The following PCDHA12 variants were observed in gnomAD, a reference collection of about 807,000 sequenced individuals.
PCDHA12 encodes protocadherin alpha-12.
A neutral mutation model predicts 60.0 loss-of-function variants in PCDHA12; 44 were observed. The observed-to-expected ratio is 0.73, with a 90% CI of 0.58 to 0.94. The LOEUF (loss-of-function observed/expected upper bound fraction) is 0.94, where lower values mean the gene tolerates loss of function less well. Among genes scored for constraint, PCDHA12 ranks in the 40% least tolerant of loss-of-function variants. The pLI, the probability that PCDHA12 is intolerant of heterozygous loss-of-function variation, is 0.00. For synonymous variants in PCDHA12, 569 were observed against 553.0 expected, an observed-to-expected ratio of 1.03 and a Z score of -0.40; for missense variants, 1,276 against 1,239.7, an observed-to-expected ratio of 1.03 and a Z score of -0.44.
At chr5:140,926,575 C>T in intron 1 of PCDHA12, 1 of 273,448 alleles carries the variant, frequency 3.7e-6, no homozygotes, top group Non-Finnish European at 6.8e-6. Flanking sequence ...CTGGAGACAG[C>T]ACCTCTCGCG....
intron 3 of PCDHA12, among the ~76,000 whole-genome samples, chr5:141,002,843 A>G (rs2098098678): frequency 6.6e-6 from 1 of 152,224 alleles, no homozygotes; most frequent in African/African-American, 2.4e-5. Context: ...AGGACTATGC[A>G]CTAGTGAGAG....
intron 1 of PCDHA12, among the ~76,000 whole-genome samples, chr5:140,887,146 G>A (rs1160453059): frequency 9.9e-5 from 15 of 151,600 alleles, no homozygotes; most frequent in Non-Finnish European, 2.1e-4. Context: ...GCCCAGGCTG[G>A]AGTACAGTGG....
At position 140,955,726 on chromosome 5, in the gene PCDHA12, C is replaced by A. The variant is rs934215613; in HGVS notation, c.2368-23223C>A. Among the ~76,000 whole-genome samples the A allele has an allele frequency of 8.5e-5, 13 of 152,264 alleles. No individual in the cohort carries two copies. In the South Asian group the frequency reaches 2.5e-3, roughly 29 times the overall value. Reference sequence around the variant, plus strand: ...AAGTTTAATAGGAATACCATTGAATCTATAAATTACTTTGAGCATTATTGC... The same window carrying A: ...AAGTTTAATAGGAATACCATTGAATATATAAATTACTTTGAGCATTATTGC... On this transcript the variant is annotated intron_variant, in intron 1 of 3. Coordinates refer to ENST00000398631, the MANE Select transcript of PCDHA12 (RefSeq NM_018903.4).
chr5:141,010,006 T>C lies in PCDHA12; in HGVS notation c.*69T>C. The stretch of plus-strand genomic sequence containing the variant: ...ATGGCAAATCTCTCCCATGTAGCAA[T>C]TCCCTGCTCCTTTTTCCTATCTACA... On this transcript the variant is annotated 3_prime_UTR_variant, in exon 4 of 4. Transcript: ENST00000398631. 1 of 1,572,424 alleles carries C rather than the reference T, an allele frequency of 6.4e-7. No individual in the cohort carries two copies. Among genetic ancestry groups the C allele is most frequent in the Non-Finnish European group, 8.6e-7 (1 of 1,163,442 alleles).
intron 1 of PCDHA12, among the ~76,000 whole-genome samples, chr5:140,963,199 A>G (rs955651383): frequency 6.6e-6 from 1 of 152,092 alleles, no homozygotes; most frequent in Non-Finnish European, 1.5e-5. Flanking sequence ...TGAAAATGAA[A>G]AAAAAAACCT....
chr5:140,998,629 A>G (rs989469969), intron 3 of PCDHA12, among the ~76,000 whole-genome samples: 3 of 152,064 alleles, frequency 2.0e-5, no homozygotes, highest in African/African-American at 7.2e-5. Context: ...CAATGGCACA[A>G]TCTCAGCTCA....
chr5:140,905,540 C>T (rs1294771375), intron 1 of PCDHA12, among the ~76,000 whole-genome samples: 5 of 151,890 alleles, frequency 3.3e-5, no homozygotes, highest in African/African-American at 9.7e-5. Flanking sequence ...TCCATATGAA[C>T]TTTAGGATTG....
At chr5:140,966,974 C>T (rs782333304) in intron 1 of PCDHA12, 4 of 1,602,874 alleles carry the variant, frequency 2.5e-6, no homozygotes, top group Non-Finnish European at 3.4e-6. Flanking sequence ...GCTTGAGCTG[C>T]GGCGCTTGGG....
Position 141,002,911 on chromosome 5 carries a change from G to C in PCDHA12, c.2516-6716G>C, listed in dbSNP as rs565172510. Among the ~76,000 whole-genome samples the C allele has an allele frequency of 3.3e-5, 5 of 152,330 alleles. No homozygotes were observed. The South Asian group carries it at 1.0e-3, about 32-fold the overall frequency. On this transcript the variant is annotated intron_variant, in intron 3 of 3. Transcript: ENST00000398631. ...ACAAAGCAAGATGAAGAGAAGATCA[G>C]AAAAGTGAACACCCTCCAACACCCT...
chr5:140,968,089 C>T lies in PCDHA12; in HGVS notation c.2368-10860C>T, dbSNP rs546330069. ...CTGTCTACAACATCACGGTGACAGC[C>T]ACAGATGGGGGAATACCGCAGCTCA... On this transcript the variant is annotated intron_variant, in intron 1 of 3. Transcript: ENST00000398631. 120 of 1,614,126 alleles carry T rather than the reference C, an allele frequency of 7.4e-5. 1 individual carries two copies. The South Asian group carries it at 1.2e-3, about 16-fold the overall frequency.
At chr5:140,950,082 A>G (rs2094448240) in intron 1 of PCDHA12, among the ~76,000 whole-genome samples, 1 of 151,916 alleles carries the variant, frequency 6.6e-6, no homozygotes, top group South Asian at 2.1e-4. Flanking sequence ...TGCTTATGCT[A>G]TAGTTTTCAT....
At chr5:140,928,699 G>A in intron 1 of PCDHA12, 3 of 1,614,170 alleles carry the variant, frequency 1.9e-6, no homozygotes, top group Non-Finnish European at 2.5e-6. Flanking sequence ...CATCTCCCGG[G>A]CGTCTGACTC....
chr5:140,918,748 C>T (rs1303112000), intron 1 of PCDHA12, among the ~76,000 whole-genome samples: 1 of 152,110 alleles, frequency 6.6e-6, no homozygotes, highest in Non-Finnish European at 1.5e-5. Flanking sequence ...ATAAAAGAGG[C>T]CCAGAGAGGT....
chr5:141,009,992 C>G lies in PCDHA12; in HGVS notation c.*55C>G. 1 of 1,578,492 alleles carries G rather than the reference C, an allele frequency of 6.3e-7. No homozygotes were observed. On this transcript the variant is annotated 3_prime_UTR_variant, in exon 4 of 4. Transcript: ENST00000398631. ...CAGTTTTTGTAATAATGGCAAATCT[C>G]TCCCATGTAGCAATTCCCTGCTCCT...
At chr5:140,922,289 G>C (rs1554200767) in intron 1 of PCDHA12, among the ~76,000 whole-genome samples, 1 of 152,222 alleles carries the variant, frequency 6.6e-6, no homozygotes, top group Non-Finnish European at 1.5e-5. Flanking sequence ...ATATGAAAAT[G>C]CTAGGAGAGG....
chr5:140,875,497 C>T lies in PCDHA12; in HGVS notation c.25C>T (p.Pro9Ser). Reference sequence around the variant, plus strand: ...AATGGTGATTATCGGACCAAGAGGCCCGGGATCCCAGCGTCTGCTGCTCTC... The same window carrying T: ...AATGGTGATTATCGGACCAAGAGGCTCGGGATCCCAGCGTCTGCTGCTCTC... MVIIGPRG[P>S]GSQRLLLSLL... is the part of the protein sequence containing the mutation. The change falls in exon 1 of 4, where the codon CCG becomes TCG. Residue 9 changes from proline to serine, a missense_variant. Coordinates refer to ENST00000398631, the MANE Select transcript of PCDHA12 (RefSeq NM_018903.4). 1 of 1,613,256 alleles carries T rather than the reference C, an allele frequency of 6.2e-7. No individual in the cohort carries two copies. Among genetic ancestry groups the T allele is most frequent in the Non-Finnish European group, 8.5e-7 (1 of 1,179,446 alleles).
chr5:140,906,804 C>T (rs1254520665), intron 1 of PCDHA12, among the ~76,000 whole-genome samples: 3 of 152,224 alleles, frequency 2.0e-5, no homozygotes, highest in Non-Finnish European at 4.4e-5. Context: ...CATACTCTTC[C>T]TTACCTCCAC....
intron 1 of PCDHA12, among the ~76,000 whole-genome samples, chr5:140,954,107 C>G (rs1375819333): frequency 2.0e-5 from 3 of 152,182 alleles, no homozygotes; most frequent in Admixed American, 1.3e-4. Flanking sequence ...CTGCAAAGGA[C>G]AAGATCTTGT....
chr5:140,997,713 T>C (rs2097782364), intron 3 of PCDHA12, among the ~76,000 whole-genome samples: 1 of 151,942 alleles, frequency 6.6e-6, no homozygotes, highest in African/African-American at 2.4e-5. Flanking sequence ...AACAAACACC[T>C]TTCTACGTCA....
Sources: gnomAD v4.1 joint callset for allele counts (sites outside exome capture counted in the v4.1 genomes callset) on GRCh38, gnomAD v4.1.1 for gene constraint, MANE v1.5 for transcripts, NCBI Gene and HGNC (gene_info 2026-07-23, HGNC 2026-07-21) for gene names.